Variants in SH3PXD2A observed in about 807,000 individuals in gnomAD.
SH3PXD2A encodes the protein SH3 and PX domain-containing protein 2A.
In SH3PXD2A, 32 loss-of-function variants were observed where a neutral mutation model predicts 115.2. The ratio of observed to expected loss-of-function variants is 0.28; its 90% CI spans 0.21 to 0.37. The LOEUF is 0.37. SH3PXD2A is among the 10% of genes least tolerant of loss of function. The probability of loss-of-function intolerance (pLI) is 1.00; values close to 1 mark genes in which losing one functional copy is unlikely to be tolerated. For missense variants in SH3PXD2A, 1,328 were observed against 1,498.7 expected (o/e 0.89, Z 1.88); for synonymous variants, 610 against 629.1 (o/e 0.97, Z 0.45).
At position 103,665,879 on chromosome 10, in the gene SH3PXD2A, C is replaced by T. The variant is rs1322373284; in HGVS notation, c.472+2729G>A. 6.6e-6 allele frequency among the ~76,000 whole-genome samples: 1 copy of T among 152,132 alleles called. No homozygotes were observed. Among genetic ancestry groups the T allele is most frequent in the Non-Finnish European group, 1.5e-5 (1 of 68,010 alleles). ...GTGTACCTCTTCTAGACAGCAGAGCCTCTCCTGGGTTGGAAGGGGCCTTTG... is the reference window on the plus strand; with the variant it reads ...GTGTACCTCTTCTAGACAGCAGAGCTTCTCCTGGGTTGGAAGGGGCCTTTG... On this transcript the variant is annotated intron_variant, in intron 7 of 14. Transcript: ENST00000369774. The surrounding 1 kb of genome is among the most constrained non-coding windows in gnomAD (Gnocchi z 4.0).
At chr10:103,639,651 AAAG>A (rs1216214653) in intron 8 of SH3PXD2A, among the ~76,000 whole-genome samples, 1 of 112,144 alleles carries the variant, frequency 8.9e-6, no homozygotes, top group Non-Finnish European at 1.8e-5. Flanking sequence ...AAAAAGAAAA[AAAG>A]AAAATGAGGC....
At chr10:103,839,884 C>T (rs771689470) in intron 1 of SH3PXD2A, among the ~76,000 whole-genome samples, 11 of 152,250 alleles carry the variant, frequency 7.2e-5, no homozygotes, top group Non-Finnish European at 1.2e-4. Flanking sequence ...ACACATGCCT[C>T]ACTACAGGGC....
At chr10:103,685,694 G>GA (rs1404941667) in intron 6 of SH3PXD2A, among the ~76,000 whole-genome samples, 1 of 152,078 alleles carries the variant, frequency 6.6e-6, no homozygotes, top group African/African-American at 2.4e-5. Flanking sequence ...TCAACCCCAT[G>GA]AAAAAAACCT....
At chr10:103,736,305 T>C (rs975785517) in intron 3 of SH3PXD2A, among the ~76,000 whole-genome samples, 6 of 152,214 alleles carry the variant, frequency 3.9e-5, no homozygotes, top group Non-Finnish European at 4.4e-5. Context: ...AAGGGAAGCA[T>C]GGCTGTCCCA....
rs1012290053 is a variant in SH3PXD2A, at chr10:103,767,161, A to G, written c.162T>C (p.Leu54=). The G allele has an allele frequency of 6.2e-7, 1 of 1,613,598 alleles. No homozygotes were observed. The highest frequency in any genetic ancestry group is 1.3e-5 in the African/African-American group (1 of 74,926). The part of the protein sequence containing the change: ...YSKFFDLQMQ[L]LDKFPIEGGQ... ...CACCTTCAATGGGAAACTTATCCAA[A>G]AGCTGCATCTGAGAAGCCAGACAGA... The change falls in exon 3 of 15, where the codon CTT becomes CTC. Residue 54 remains leucine, a synonymous_variant. Coordinates refer to ENST00000369774, the MANE Select transcript of SH3PXD2A (RefSeq NM_001394015.1).
At chr10:103,668,567 A>AACACACATGCTC (rs2037414665) in intron 7 of SH3PXD2A, 41 bp downstream of exon 7, 1 of 1,530,970 alleles carries the variant, frequency 6.5e-7, no homozygotes, top group East Asian at 2.4e-5. Context: ...ACGGACCTGG[A>AACACACATGCTC]ACACACATGC....
intron 2 of SH3PXD2A, among the ~76,000 whole-genome samples, chr10:103,790,690 C>T (rs2039026906): frequency 6.6e-6 from 1 of 152,130 alleles, no homozygotes; most frequent in African/African-American, 2.4e-5. Flanking sequence ...CCTAAAGATA[C>T]TCGGTTTTGT....
At chr10:103,715,024 G>T (rs982135290) in intron 5 of SH3PXD2A, among the ~76,000 whole-genome samples, 1 of 152,226 alleles carries the variant, frequency 6.6e-6, no homozygotes, top group Non-Finnish European at 1.5e-5. Flanking sequence ...CCAGAGCAGA[G>T]AGGGATGCGG....
chr10:103,653,193 T>C (rs894517318), intron 8 of SH3PXD2A, among the ~76,000 whole-genome samples: 58 of 152,354 alleles, frequency 3.8e-4, no homozygotes, highest in African/African-American at 1.3e-3. Flanking sequence ...GAGGGCTTTG[T>C]TGGCCTCTGT....
At chr10:103,747,091 T>C (rs1230332592) in intron 3 of SH3PXD2A, 1 of 152,332 alleles carries the variant, frequency 6.6e-6, no homozygotes, top group Non-Finnish European at 1.5e-5. Flanking sequence ...CGCGACTTGC[T>C]GAAAGGTGAG....
At chr10:103,712,375 G>A (rs960419286) in intron 5 of SH3PXD2A, among the ~76,000 whole-genome samples, 8 of 152,204 alleles carry the variant, frequency 5.3e-5, no homozygotes, top group African/African-American at 1.9e-4. Flanking sequence ...GAGAGAGGGT[G>A]TGGGAAGCCA....
At chr10:103,647,539 T>G (rs2037053581) in intron 8 of SH3PXD2A, among the ~76,000 whole-genome samples, 1 of 152,108 alleles carries the variant, frequency 6.6e-6, no homozygotes, top group Non-Finnish European at 1.5e-5. Context: ...AGGAGGCAAG[T>G]TTGTGTCTGG....
At chr10:103,817,302 T>TCCTCCAC (rs1215068859) in intron 1 of SH3PXD2A, among the ~76,000 whole-genome samples, 1 of 152,024 alleles carries the variant, frequency 6.6e-6, no homozygotes, top group Non-Finnish European at 1.5e-5. Context: ...CTCCTCTCCC[T>TCCTCCAC]CCTCCACCCT....
At chr10:103,642,147 C>CTT (rs35382988) in intron 8 of SH3PXD2A, among the ~76,000 whole-genome samples, 234 of 141,230 alleles carry the variant, frequency 1.7e-3, no homozygotes, top group African/African-American at 5.8e-3. Flanking sequence ...AGCAATTTGC[C>CTT]TTTTTTTTTT....
intron 8 of SH3PXD2A, among the ~76,000 whole-genome samples, chr10:103,640,897 G>C (rs1456498151): frequency 3.3e-5 from 5 of 152,046 alleles, no homozygotes; most frequent in Non-Finnish European, 7.4e-5. Context: ...TGTCCCTCAT[G>C]ATCCCCCAGG....
chr10:103,692,935 C>CCCCCCCCCCAA, intron 6 of SH3PXD2A, 93 bp downstream of exon 6: 2 of 800,482 alleles, frequency 2.5e-6, no homozygotes, highest in Non-Finnish European at 4.3e-6. Flanking sequence ...ACCCCCCCCT[C>CCCCCCCCCCAA]CCCGCCCCCA....
chr10:103,851,657 A>C (rs973500442), intron 1 of SH3PXD2A, among the ~76,000 whole-genome samples: 3 of 152,102 alleles, frequency 2.0e-5, no homozygotes, highest in Non-Finnish European at 4.4e-5. Flanking sequence ...GAATCCAAAA[A>C]CCTACCCCAC....
intron 4 of SH3PXD2A, among the ~76,000 whole-genome samples, chr10:103,727,581 AG>A (rs1449278790): frequency 6.6e-6 from 1 of 152,162 alleles, no homozygotes; most frequent in Non-Finnish European, 1.5e-5. Flanking sequence ...CCACAGCACT[AG>A]TGCCCTCCCC....
At chr10:103,842,086 C>T (rs1156467497) in intron 1 of SH3PXD2A, among the ~76,000 whole-genome samples, 9 of 146,136 alleles carry the variant, frequency 6.2e-5, no homozygotes, top group Non-Finnish European at 1.2e-4. Context: ...GATCGCACCA[C>T]TACACTGCAG....
Sources: gnomAD v4.1 joint callset for allele counts (sites outside exome capture counted in the v4.1 genomes callset) on GRCh38, gnomAD v4.1.1 for gene constraint, Gnocchi (gnomAD v3.1) non-coding constraint, MANE v1.5 for transcripts, NCBI Gene and HGNC (gene_info 2026-07-23, HGNC 2026-07-21) for gene names.